CA5A: variants seen among roughly 807,000 people sequenced by gnomAD.
CA5A encodes the protein carbonic anhydrase 5A, also known as carbonic anhydrase 5A, mitochondrial.
Under a neutral mutation model 37.1 loss-of-function variants are expected in CA5A, and 28 were observed. The observed-to-expected ratio is 0.75, with a 90% CI of 0.56 to 1.03. CA5A has a LOEUF of 1.03. Ranked by LOEUF, CA5A falls within the 50% of genes least tolerant of loss-of-function variation. CA5A has a pLI of 0.00. For missense variants in CA5A, 444 were observed against 399.9 expected, an observed-to-expected ratio of 1.11 and a Z score of -0.94; for synonymous variants, 171 against 158.4, an observed-to-expected ratio of 1.08 and a Z score of -0.60.
chr16:87,928,624 A>AGT (rs2056348670), intron 1 of CA5A, among the ~76,000 whole-genome samples: 1 of 152,136 alleles, frequency 6.6e-6, no homozygotes, highest in Non-Finnish European at 1.5e-5. Context: ...TCCATTGTAC[A>AGT]GTTACGACAC....
intron 2 of CA5A, among the ~76,000 whole-genome samples, chr16:87,921,210 T>C (rs921992834): frequency 1.3e-5 from 2 of 152,186 alleles, no homozygotes; most frequent in African/African-American, 4.8e-5. Context: ...ATTACAGGCA[T>C]GACCACCGCG....
chr16:87,925,651 CA>C (rs2056295363), intron 2 of CA5A: 1 of 152,188 alleles, frequency 6.6e-6, no homozygotes, highest in South Asian at 2.1e-4. Context: ...ACATAATAGG[CA>C]TAGAGAGAAC....
chr16:87,905,326 A>G (rs939299931), intron 2 of CA5A, among the ~76,000 whole-genome samples: 2 of 152,242 alleles, frequency 1.3e-5, no homozygotes, highest in Non-Finnish European at 2.9e-5. Flanking sequence ...TAACATTATA[A>G]AATAACACAC....
intron 1 of CA5A, among the ~76,000 whole-genome samples, chr16:87,932,196 C>T (rs910770194): frequency 2.0e-5 from 3 of 152,134 alleles, no homozygotes; most frequent in African/African-American, 4.8e-5. Context: ...TCTACCCCCC[C>T]TCCCACGGCC....
chr16:87,923,541 G>C, intron 2 of CA5A: 1 of 985,156 alleles, frequency 1.0e-6, no homozygotes, highest in Non-Finnish European at 1.2e-6. Flanking sequence ...TCTAGGAGTA[G>C]TATCAGGATT....
intron 1 of CA5A, among the ~76,000 whole-genome samples, chr16:87,932,613 T>C (rs2056422775): frequency 6.6e-6 from 1 of 152,220 alleles, no homozygotes; most frequent in African/African-American, 2.4e-5. Context: ...TATCCTCTTT[T>C]TCAATCAGTC....
Position 87,918,392 on chromosome 16 carries a change from C to A in CA5A, c.340+8356G>T, listed in dbSNP as rs4843738. ...TCTCCTCTCCCCCTTCCCTCCTCCC[C>A]CCGCTTTGCTCCCCCAGCCTTTCCT... On this transcript the variant is annotated intron_variant, in intron 2 of 6. Coordinates refer to ENST00000649794, the MANE Select transcript of CA5A (RefSeq NM_001739.2). Among the ~76,000 whole-genome samples the A allele has an allele frequency of 8.9e-3, 1,356 of 152,150 alleles. 6 individuals carry two copies. Among genetic ancestry groups the A allele is most frequent in the Middle Eastern group, 0.021 (6 of 290 alleles).
rs568073901 is a variant in CA5A, at chr16:87,909,266, C to T, written c.341-4362G>A. ...CCATGGGGCCCTCGGGACATGCGGC[C>T]CCTCCTCAGGCTGGCTCGGGGCATC... is the stretch of plus-strand genomic sequence containing the variant. On this transcript the variant is annotated intron_variant, in intron 2 of 6. Transcript: ENST00000649794. Among the ~76,000 whole-genome samples, 235 of 152,262 alleles carry T rather than the reference C, an allele frequency of 1.5e-3. 1 individual carries two copies. Among genetic ancestry groups the T allele is most frequent in the African/African-American group, 5.4e-3 (223 of 41,550 alleles).
chr16:87,930,684 C>T (rs1379559851), intron 1 of CA5A, among the ~76,000 whole-genome samples: 2 of 150,576 alleles, frequency 1.3e-5, no homozygotes, highest in East Asian at 1.9e-4. Flanking sequence ...GGGGCTGCTG[C>T]TACCCCACTG....
chr16:87,918,116 G>A (rs1298706717), intron 2 of CA5A, among the ~76,000 whole-genome samples: 1 of 152,224 alleles, frequency 6.6e-6, no homozygotes, highest in Non-Finnish European at 1.5e-5. Context: ...GATGCGGACA[G>A]CCTGGCAGGC....
intron 2 of CA5A, among the ~76,000 whole-genome samples, chr16:87,913,328 G>A (rs58930708): frequency 0.17 from 23,234 of 134,532 alleles, 2,366 homozygotes; most frequent in African/African-American, 0.35. Flanking sequence ...TTGAGTCAGG[G>A]GTCTCATTCT....
At chr16:87,890,259 C>T (rs1415039696) in intron 6 of CA5A, among the ~76,000 whole-genome samples, 1 of 152,210 alleles carries the variant, frequency 6.6e-6, no homozygotes, top group Non-Finnish European at 1.5e-5. Context: ...CTGCCCCCCT[C>T]CCACCCTCTC....
intron 2 of CA5A, among the ~76,000 whole-genome samples, chr16:87,913,612 T>C (rs1006350322): frequency 1.1e-4 from 16 of 152,078 alleles, no homozygotes; most frequent in African/African-American, 3.1e-4. Context: ...TTGAAATCTC[T>C]GCTCTTTCTT....
chr16:87,919,462 A>G (rs1245797242), intron 2 of CA5A, among the ~76,000 whole-genome samples: 1 of 152,180 alleles, frequency 6.6e-6, no homozygotes, highest in African/African-American at 2.4e-5. Flanking sequence ...ACATCGCTCC[A>G]CTGGAAGCCA....
At chr16:87,904,278 G>T (rs1220448451) in intron 3 of CA5A, among the ~76,000 whole-genome samples, 3 of 151,992 alleles carry the variant, frequency 2.0e-5, no homozygotes, top group Non-Finnish European at 2.9e-5. Context: ...GGAGACGGAG[G>T]TTGTGGTGAG....
At chr16:87,934,137 C>A (rs1194933460) in intron 1 of CA5A, among the ~76,000 whole-genome samples, 1 of 152,278 alleles carries the variant, frequency 6.6e-6, no homozygotes, top group Non-Finnish European at 1.5e-5. Context: ...CTAGCAAGGG[C>A]TTCCTGGAGC....
At chr16:87,917,448 C>G (rs1167451352) in intron 2 of CA5A, among the ~76,000 whole-genome samples, 1 of 152,200 alleles carries the variant, frequency 6.6e-6, no homozygotes, top group African/African-American at 2.4e-5. Flanking sequence ...ATTTTTCAGT[C>G]TTGAGGACCA....
rs374528826 is a variant in CA5A, at chr16:87,891,972, A to G, written c.619-18T>C. 5.9e-6 allele frequency: 9 copies of G among 1,521,322 alleles called. No individual in the cohort carries two copies. In the African/African-American group the frequency reaches 8.5e-5, roughly 14 times the overall value. The allele number at this position is 1,521,322 out of a possible 1,614,324, so 94.2% of individuals were successfully genotyped here. A position where few individuals can be genotyped will look rare whatever the true frequency, so the allele number is the denominator to read the frequency against. The stretch of plus-strand genomic sequence containing the variant: ...CGCGCGTCCTGAGAGACCGAGAAGC[A>G]CAGGACGTGTCAGTCCTCAGGGGAG... On this transcript the variant is annotated intron_variant, in intron 5 of 6. Coordinates refer to ENST00000649794, the MANE Select transcript of CA5A (RefSeq NM_001739.2).
At chr16:87,914,927 C>T (rs140251754) in intron 2 of CA5A, among the ~76,000 whole-genome samples, 5 of 152,332 alleles carry the variant, frequency 3.3e-5, no homozygotes, top group East Asian at 1.9e-4. Flanking sequence ...CTCCCGTCTT[C>T]GGAACGAGAG....
Sources: gnomAD v4.1 joint callset for allele counts (sites outside exome capture counted in the v4.1 genomes callset) on GRCh38, gnomAD v4.1.1 for gene constraint, MANE v1.5 for transcripts, NCBI Gene and HGNC (gene_info 2026-07-23, HGNC 2026-07-21) for gene names.